CERS4: variants seen among roughly 807,000 people sequenced by gnomAD.
CERS4 encodes LAG1 homolog, ceramide synthase 4.
Under a neutral mutation model 51.8 loss-of-function variants are expected in CERS4, and 65 were observed. The ratio of observed to expected loss-of-function variants is 1.26; its 90% CI spans 1.03 to 1.54. The LOEUF (loss-of-function observed/expected upper bound fraction) is 1.54, where lower values mean the gene tolerates loss of function less well. Ranked by LOEUF, CERS4 falls within the 40% of genes most tolerant of loss-of-function variation. CERS4 has a pLI of 0.00. For synonymous variants in CERS4, 228 were observed against 208.4 expected (o/e 1.09, Z -0.81); for missense variants, 563 against 500.4 (o/e 1.13, Z -1.19).
Position 8,262,013 on chromosome 19 carries a change from G to C in CERS4, c.1089G>C (p.Lys363Asn). ...AAAAQEPLQL[K>N]NGAAGGPRPA... ...CGGCCCAGGAACCTCTGCAGCTAAA[G>C]AACGGGGCAGCTGGAGGGCCCAGGC... Residue 363 changes from lysine (K) to asparagine (N), a missense_variant, in exon 12 of 12, where the codon AAG becomes AAC. Physicochemically the swap from Lys to Asn is moderately conservative, Grantham distance 94. Transcript: ENST00000251363. 6.3e-7 allele frequency: 1 copy of C among 1,590,110 alleles called. No homozygotes were observed. The highest frequency in any genetic ancestry group is 1.1e-5 in the South Asian group (1 of 87,592).
chr19:8,217,146 G>T (rs749363213), intron 2 of CERS4, among the ~76,000 whole-genome samples: 1 of 152,032 alleles, frequency 6.6e-6, no homozygotes, highest in Non-Finnish European at 1.5e-5. Context: ...GCAAGGAGAC[G>T]TTACTTTATT....
intron 2 of CERS4, chr19:8,241,497 G>C (rs1339912581): frequency 6.6e-6 from 1 of 151,858 alleles, no homozygotes; most frequent in Non-Finnish European, 1.5e-5. Flanking sequence ...AAATTTTTTT[G>C]TCTTGCTATG....
chr19:8,260,237 T>A (rs1469129241), intron 10 of CERS4, among the ~76,000 whole-genome samples: 1 of 151,862 alleles, frequency 6.6e-6, no homozygotes, highest in African/African-American at 2.4e-5. Context: ...CTCTGTCACC[T>A]AGACTGGAGT....
chr19:8,254,186 A>G (rs926502278), intron 3 of CERS4, among the ~76,000 whole-genome samples: 8 of 151,302 alleles, frequency 5.3e-5, no homozygotes, highest in South Asian at 4.2e-4. Context: ...AGCCGGGCGT[A>G]GTGGCGGGCG....
At chr19:8,259,392 G>GA (rs753809966) in intron 10 of CERS4, among the ~76,000 whole-genome samples, 2 of 152,172 alleles carry the variant, frequency 1.3e-5, no homozygotes, top group Non-Finnish European at 2.9e-5. Context: ...GGGTGAGGGG[G>GA]AGGGTAGGCA....
chr19:8,256,015 G>C, intron 6 of CERS4, 136 bp downstream of exon 6: 1 of 1,039,874 alleles, frequency 9.6e-7, no homozygotes, highest in Non-Finnish European at 1.4e-6. Flanking sequence ...TTGCAAGATG[G>C]TGGTGAATGT....
rs1020498133 is a variant in CERS4, at chr19:8,237,029, G to A, written c.-1-14047G>A. ...AAAAAAAAAAAAAAAAAAAAAAAAC[G>A]AAAAGGAGAAAAGAAAGAAATCTGT... is the stretch of plus-strand genomic sequence containing the variant. On this transcript the variant is annotated intron_variant, in intron 2 of 11. Coordinates refer to ENST00000251363, the MANE Select transcript of CERS4 (RefSeq NM_024552.3). 4.1e-3 allele frequency among the ~76,000 whole-genome samples: 406 copies of A among 98,642 alleles called. 2 individuals carry two copies. Among genetic ancestry groups the A allele is most frequent in the Admixed American group, 6.5e-3 (64 of 9,780 alleles). 64.7% of individuals were successfully genotyped at this position (98,642 alleles called of 152,430 possible).
rs150540280 is a variant in CERS4, at chr19:8,257,001, T to C, written c.665T>C (p.Phe222Ser). 435 of 1,614,050 alleles carry C rather than the reference T, an allele frequency of 2.7e-4. 1 individual carries two copies. The African/African-American group carries it at 4.9e-3, about 18-fold the overall frequency. ...HHFVAVILMT[F>S]SYSANLLRIG... ...TTCGTGGCGGTCATCCTGATGACCT[T>C]CTCCTACAGTGCCAACCTGCTGCGC... Residue 222 changes from phenylalanine (F) to serine (S), a missense_variant, in exon 9 of 12, where the codon TTC becomes TCC. Transcript: ENST00000251363.
chr19:8,255,700 C>G lies in CERS4; in HGVS notation c.385C>G (p.Leu129Val). The G allele has an allele frequency of 6.2e-7, 1 of 1,612,088 alleles. No homozygotes were observed. Among genetic ancestry groups the G allele is most frequent in the Non-Finnish European group, 8.5e-7 (1 of 1,179,356 alleles). ...RRRRNQDRPQ[L>V]TKKFCEASWR... ...ACGCCGGAACCAGGATCGACCCCAG[C>G]TGACCAAGAAGTTCTGTGAGGCCAG... Residue 129 changes from leucine to valine, a missense_variant, in exon 5 of 12, where the codon CTG becomes GTG. Coordinates refer to ENST00000251363, the MANE Select transcript of CERS4 (RefSeq NM_024552.3).
At chr19:8,254,744 T>G in intron 4 of CERS4, 128 bp downstream of exon 4, 1 of 753,348 alleles carries the variant, frequency 1.3e-6, no homozygotes, top group East Asian at 2.7e-5. Context: ...ATGCCCCTAC[T>G]TTCCACTCTT....
At position 8,210,103 on chromosome 19, in the gene CERS4, G is replaced by A. The variant is rs908945601; in HGVS notation, c.-158-603G>A. On this transcript the variant is annotated intron_variant, in intron 1 of 11. Transcript: ENST00000251363. This position sits in a 1 kb window ranked among gnomAD's most constrained non-coding sequence, Gnocchi z 4.2. Reference sequence around the variant, plus strand: ...GCGGAGAGGGAGGGTCTGAGGTGGAGAGAGGTTGGCCGGGGCCTGGGAAGC... The same window carrying A: ...GCGGAGAGGGAGGGTCTGAGGTGGAAAGAGGTTGGCCGGGGCCTGGGAAGC... 6.6e-6 allele frequency among the ~76,000 whole-genome samples: 1 copy of A among 152,174 alleles called. No homozygotes were observed. Among genetic ancestry groups the A allele is most frequent in the African/African-American group, 2.4e-5 (1 of 41,444 alleles).
At chr19:8,228,035 T>C (rs1967857952) in intron 2 of CERS4, among the ~76,000 whole-genome samples, 1 of 152,062 alleles carries the variant, frequency 6.6e-6, no homozygotes, top group Non-Finnish European at 1.5e-5. Context: ...ACAATTTTTG[T>C]ATTTTTAGTA....
intron 2 of CERS4, among the ~76,000 whole-genome samples, chr19:8,217,828 C>T (rs1212182742): frequency 1.3e-5 from 2 of 151,938 alleles, no homozygotes; most frequent in African/African-American, 4.8e-5. Context: ...TGAGCCACCG[C>T]ACCTGGCTAA....
intron 11 of CERS4, 22 bp from the exon 12 acceptor site, chr19:8,261,908 C>T: frequency 6.2e-7 from 1 of 1,610,840 alleles, no homozygotes; most frequent in Non-Finnish European, 8.5e-7. Context: ...CTCTGAGCTC[C>T]ATCCCTCTCT....
intron 2 of CERS4, among the ~76,000 whole-genome samples, chr19:8,215,618 C>G (rs1169010844): frequency 2.6e-5 from 4 of 152,228 alleles, no homozygotes; most frequent in East Asian, 1.9e-4. Flanking sequence ...TGGGCACCCT[C>G]CCCACTCCCA....
chr19:8,235,722 CA>C (rs1457503473), intron 2 of CERS4, among the ~76,000 whole-genome samples: 1 of 151,440 alleles, frequency 6.6e-6, no homozygotes, highest in African/African-American at 2.4e-5. Flanking sequence ...ACCCTCCCCC[CA>C]ATCTCTATAA....
At chr19:8,220,032 G>A (rs1258281285) in intron 2 of CERS4, among the ~76,000 whole-genome samples, 1 of 151,700 alleles carries the variant, frequency 6.6e-6, no homozygotes, top group African/African-American at 2.4e-5. Flanking sequence ...GGGGACCCTG[G>A]AGCTCCACGG....
intron 10 of CERS4, among the ~76,000 whole-genome samples, chr19:8,260,141 G>A (rs1969602772): frequency 6.6e-6 from 1 of 152,176 alleles, no homozygotes; most frequent in East Asian, 1.9e-4. Flanking sequence ...GAGTGAGGAA[G>A]GCGAGGTCGC....
intron 2 of CERS4, among the ~76,000 whole-genome samples, chr19:8,243,411 C>T (rs527755841): frequency 2.6e-5 from 4 of 151,810 alleles, no homozygotes; most frequent in Non-Finnish European, 4.4e-5. Context: ...GCTGAAGTCC[C>T]CACATCCACC....
Sources: gnomAD v4.1 joint callset for allele counts (sites outside exome capture counted in the v4.1 genomes callset) on GRCh38, gnomAD v4.1.1 for gene constraint, Gnocchi (gnomAD v3.1) non-coding constraint, MANE v1.5 for transcripts, NCBI Gene and HGNC (gene_info 2026-07-23, HGNC 2026-07-21) for gene names.